The following EFEMP1 variants were observed in gnomAD, a reference collection of about 807,000 sequenced individuals.
The protein encoded by EFEMP1 is EGF-like fibulin extracellular matrix protein 1, also known as EGF-containing fibulin-like extracellular matrix protein 1.
EFEMP1 carries 18 observed loss-of-function variants against 65.7 expected under a neutral mutation model. That is an observed-to-expected ratio of 0.27 (90% CI 0.19 to 0.41). The LOEUF (loss-of-function observed/expected upper bound fraction) is 0.41, where lower values mean the gene tolerates loss of function less well. Among genes scored for constraint, EFEMP1 ranks in the 10% least tolerant of loss-of-function variants. The pLI is 1.00. For synonymous variants in EFEMP1, 237 were observed against 219.7 expected (o/e 1.08, Z -0.70); for missense variants, 469 against 624.8 (o/e 0.75, Z 2.66).
intron 5 of EFEMP1, among the ~76,000 whole-genome samples, chr2:55,884,753 T>C (rs977791999): frequency 4.6e-5 from 7 of 152,218 alleles, no homozygotes; most frequent in Admixed American, 1.3e-4. Flanking sequence ...GATTATAATT[T>C]ATCCTTGACA....
intron 5 of EFEMP1, among the ~76,000 whole-genome samples, chr2:55,889,899 A>G (rs1312554270): frequency 6.6e-6 from 1 of 152,116 alleles, no homozygotes. Context: ...CAATTTAGGA[A>G]GAAGGTAAGA....
At chr2:55,895,295 T>A (rs1572819857) in intron 5 of EFEMP1, among the ~76,000 whole-genome samples, 1 of 152,234 alleles carries the variant, frequency 6.6e-6, no homozygotes, top group African/African-American at 2.4e-5. Context: ...GATGGTTCCA[T>A]ACATAAAATT....
In EFEMP1 at chr2:55,881,721, G is replaced by A. The variant is rs759416129; in HGVS notation, c.531C>T (p.Cys177=). 1.2e-6 allele frequency: 2 copies of A among 1,613,764 alleles called. No homozygotes were observed. The highest frequency in any genetic ancestry group is 1.3e-5 in the African/African-American group (1 of 74,902). The change falls in exon 6 of 12, where the codon TGC becomes TGT. Residue 177 remains cysteine (C), a synonymous_variant. Transcript: ENST00000355426. The part of the protein sequence containing the change: ...EHNVCQDIDE[C]TAGTHNCRAD... Reference sequence around the variant, plus strand: ...CTCTACAGTTGTGCGTCCCTGCAGTGCACTCGTCTATGTCTGTCAGAGACA... The same window carrying A: ...CTCTACAGTTGTGCGTCCCTGCAGTACACTCGTCTATGTCTGTCAGAGACA...
At chr2:55,902,745 T>G (rs3791660) in intron 5 of EFEMP1, among the ~76,000 whole-genome samples, 97,454 of 151,954 alleles carry the variant, frequency 0.64, 33,180 homozygotes, top group East Asian at 0.9. Context: ...AGTCATTAAT[T>G]CTATTATAAT....
rs1668588315 is a variant in EFEMP1, at chr2:55,866,644, T to A, written c.*429A>T. 6.1e-6 allele frequency: 1 copy of A among 163,720 alleles called. No individual in the cohort carries two copies. Among genetic ancestry groups the A allele is most frequent in the Non-Finnish European group, 1.3e-5 (1 of 74,592 alleles). The allele number at this position is 163,720 out of a possible 1,614,324, so 10.1% of individuals were successfully genotyped here. On this transcript the variant is annotated 3_prime_UTR_variant, in exon 12 of 12. Transcript: ENST00000355426. The stretch of plus-strand genomic sequence containing the variant: ...AATATATCTTTATTGACCTTTTCCA[T>A]TTTCTTACAAAGCAGTTAAAAACTC...
intron 5 of EFEMP1, among the ~76,000 whole-genome samples, chr2:55,887,393 A>G (rs1669461524): frequency 6.6e-6 from 1 of 152,256 alleles, no homozygotes; most frequent in African/African-American, 2.4e-5. Flanking sequence ...TCTTTCTTCT[A>G]CTTAGAATAA....
At chr2:55,876,553 C>T (rs762188398) in intron 8 of EFEMP1, 70 bp downstream of exon 8, 27 of 1,587,768 alleles carry the variant, frequency 1.7e-5, no homozygotes, top group Non-Finnish European at 2.1e-5. Flanking sequence ...TAAATGGGTA[C>T]ATAATCAGAT....
chr2:55,883,345 T>C lies in EFEMP1; in HGVS notation c.518-1611A>G, dbSNP rs894919207. 3.9e-5 allele frequency among the ~76,000 whole-genome samples: 6 copies of C among 152,200 alleles called. No individual in the cohort carries two copies. Among genetic ancestry groups the C allele is most frequent in the Admixed American group, 1.3e-4 (2 of 15,278 alleles). On this transcript the variant is annotated intron_variant, in intron 5 of 11. Coordinates refer to ENST00000355426, the MANE Select transcript of EFEMP1 (RefSeq NM_001039348.3). The surrounding 1 kb of genome is among the most constrained non-coding windows in gnomAD (Gnocchi z 4.5). The stretch of plus-strand genomic sequence containing the variant: ...TAGGTACTATGCGATGGTGCAACAA[T>C]CCTGCTTTGAAATTATCTGCTGTTT...
intron 5 of EFEMP1, among the ~76,000 whole-genome samples, chr2:55,882,489 T>C (rs1277932278): frequency 2.0e-5 from 3 of 152,154 alleles, no homozygotes; most frequent in Admixed American, 6.5e-5. Flanking sequence ...AAGTAAAAAA[T>C]GCTCAGTGAT....
chr2:55,910,672 T>C (rs1670447847), intron 5 of EFEMP1, among the ~76,000 whole-genome samples: 1 of 152,186 alleles, frequency 6.6e-6, no homozygotes, highest in Non-Finnish European at 1.5e-5. Context: ...AGGAAATTCA[T>C]TCCACAGATT....
chr2:55,877,945 T>G lies in EFEMP1; in HGVS notation c.641-80A>C, dbSNP rs1669099354. 4 of 1,544,070 alleles carry G rather than the reference T, an allele frequency of 2.6e-6. No homozygotes were observed. The Admixed American group carries it at 5.5e-5, about 21-fold the overall frequency. On this transcript the variant is annotated intron_variant, in intron 6 of 11. Transcript: ENST00000355426. This position sits in a 1 kb window ranked among gnomAD's most constrained non-coding sequence, Gnocchi z 4.5. ...TGAAAAGCATTATCTAGAAAACCTA[T>G]GTAGAGAAAATCTCTTTTTAAAAGT... is the stretch of plus-strand genomic sequence containing the variant.
At position 55,917,369 on chromosome 2, in the gene EFEMP1, G is replaced by A. The variant is rs1345432124; in HGVS notation, c.517+296C>T. Among the ~76,000 whole-genome samples the A allele has an allele frequency of 1.3e-5, 2 of 152,126 alleles. No individual in the cohort carries two copies. Among genetic ancestry groups the A allele is most frequent in the African/African-American group, 4.8e-5 (2 of 41,430 alleles). On this transcript the variant is annotated intron_variant, in intron 5 of 11. Transcript: ENST00000355426. This position sits in a 1 kb window ranked among gnomAD's most constrained non-coding sequence, Gnocchi z 6.3. ...TCAGAGACTGTGATTTAACTGGGCT[G>A]GGGTGTAGCTTCGCCATCGAGAAGT...
rs1669074527 is a variant in EFEMP1 at position 55,877,306 on chromosome 2, C to G, written c.760+440G>C. ...ATTGTGAAAAGGCATTTTTCCTACA[C>G]TAGATTTTTTCCATGTCATGCCAAT... On this transcript the variant is annotated intron_variant, in intron 7 of 11. Transcript: ENST00000355426. This position sits in a 1 kb window ranked among gnomAD's most constrained non-coding sequence, Gnocchi z 4.5. Among the ~76,000 whole-genome samples, 1 of 152,084 alleles carries G rather than the reference C, an allele frequency of 6.6e-6. No homozygotes were observed. Among genetic ancestry groups the G allele is most frequent in the South Asian group, 2.1e-4 (1 of 4,834 alleles).
chr2:55,877,749 C>A lies in EFEMP1; in HGVS notation c.757G>T (p.Val253Leu). Residue 253 changes from valine to leucine, a missense_variant, in exon 7 of 12, where the codon GTA becomes TTA. Physicochemically the swap from Val to Leu is conservative, Grantham distance 32 (BLOSUM62 1). Transcript: ENST00000355426. This position sits in a 1 kb window ranked among gnomAD's most constrained non-coding sequence, Gnocchi z 4.5. ...FQLAANNYTCVDINECDASNQ... is the reference protein window; with the variant it reads ...FQLAANNYTCLDINECDASNQ... ...AGCAAGTTCTCAAAAGGCTTACCTACGCAGGTATAGTTGTTTGCTGCCAAT... is the reference window on the plus strand; with the variant it reads ...AGCAAGTTCTCAAAAGGCTTACCTAAGCAGGTATAGTTGTTTGCTGCCAAT... The A allele has an allele frequency of 6.2e-7, 1 of 1,612,962 alleles. No homozygotes were observed. The highest frequency in any genetic ancestry group is 2.2e-5 in the East Asian group (1 of 44,834).
rs1447591519 is a variant in EFEMP1, at chr2:55,919,613, A to C, written c.82-1346T>G. 6.6e-6 allele frequency among the ~76,000 whole-genome samples: 1 copy of C among 152,198 alleles called. No homozygotes were observed. The highest frequency in any genetic ancestry group is 1.5e-5 in the Non-Finnish European group (1 of 68,036). ...CAAAAGTGGAGTAAACAAACAAATA[A>C]ACTTAAATTCTTTTAATATAACTGA... On this transcript the variant is annotated intron_variant, in intron 3 of 11. Coordinates refer to ENST00000355426, the MANE Select transcript of EFEMP1 (RefSeq NM_001039348.3). The surrounding 1 kb of genome is among the most constrained non-coding windows in gnomAD (Gnocchi z 4.5).
chr2:55,901,135 G>A (rs1013220983), intron 5 of EFEMP1, among the ~76,000 whole-genome samples: 1 of 152,196 alleles, frequency 6.6e-6, no homozygotes. Context: ...GAACAGAACA[G>A]AACAGGGATT....
At chr2:55,905,902 T>G (rs2104433781) in intron 5 of EFEMP1, among the ~76,000 whole-genome samples, 1 of 152,334 alleles carries the variant, frequency 6.6e-6, no homozygotes, top group Non-Finnish European at 1.5e-5. Flanking sequence ...ATAGGTTGGT[T>G]TACTGGAAAC....
intron 5 of EFEMP1, among the ~76,000 whole-genome samples, chr2:55,884,678 G>A (rs886527110): frequency 6.6e-6 from 1 of 152,216 alleles, no homozygotes; most frequent in African/African-American, 2.4e-5. Context: ...ACTCAGGTCA[G>A]CCATGATTTT....
At chr2:55,879,313 A>G (rs1206971700) in intron 6 of EFEMP1, among the ~76,000 whole-genome samples, 2 of 152,208 alleles carry the variant, frequency 1.3e-5, no homozygotes, top group Admixed American at 1.3e-4. Context: ...GAGCAATTTT[A>G]GCATAGTGCT....
Sources: gnomAD v4.1 joint callset for allele counts (sites outside exome capture counted in the v4.1 genomes callset) on GRCh38, gnomAD v4.1.1 for gene constraint, Gnocchi (gnomAD v3.1) non-coding constraint, MANE v1.5 for transcripts, NCBI Gene and HGNC (gene_info 2026-07-23, HGNC 2026-07-21) for gene names.